Variants in PSTPIP1 observed in about 807,000 individuals in gnomAD.
The protein encoded by PSTPIP1 is proline-serine-threonine phosphatase interacting protein 1.
A neutral mutation model predicts 69.6 loss-of-function variants in PSTPIP1; 66 were observed. That is an observed-to-expected ratio of 0.95 (90% confidence interval 0.78 to 1.16). The LOEUF (loss-of-function observed/expected upper bound fraction) is 1.16, where lower values mean the gene tolerates loss of function less well. Among genes scored for constraint, PSTPIP1 ranks in the 50% most tolerant of loss-of-function variants. PSTPIP1 has a pLI of 0.00. For missense variants in PSTPIP1, 603 were observed against 557.4 expected (o/e 1.08, Z -0.82); for synonymous variants, 266 against 222.7 (o/e 1.19, Z -1.73).
Position 77,032,396 on chromosome 15 carries a change from T to G in PSTPIP1, c.838+2T>G. 1 of 1,612,584 alleles carries G rather than the reference T, an allele frequency of 6.2e-7. No individual in the cohort carries two copies. Among genetic ancestry groups the G allele is most frequent in the South Asian group, 1.1e-5 (1 of 91,082 alleles). On this transcript the variant is annotated splice_donor_variant, in intron 11 of 14. Coordinates refer to ENST00000558012, the MANE Select transcript of PSTPIP1 (RefSeq NM_003978.5). LOFTEE classifies it high-confidence loss of function. ...AGAGCACGGGCACAGAGCCCCCCGG[T>G]GAGGTCCGGCTTGCGGACAGCGCAG...
chr15:77,017,571 C>G (rs900270978), intron 1 of PSTPIP1, among the ~76,000 whole-genome samples: 2 of 152,222 alleles, frequency 1.3e-5, no homozygotes, highest in Admixed American at 1.3e-4. Context: ...AGCGCAGCAT[C>G]TGGCACATGG....
chr15:76,998,726 G>A (rs1295006292), intron 1 of PSTPIP1, among the ~76,000 whole-genome samples: 2 of 152,206 alleles, frequency 1.3e-5, no homozygotes, highest in African/African-American at 4.8e-5. Flanking sequence ...GGGACACTCA[G>A]CATGGGAGCA....
intron 1 of PSTPIP1, among the ~76,000 whole-genome samples, chr15:77,014,429 C>T (rs1376072770): frequency 6.6e-6 from 1 of 152,180 alleles, no homozygotes; most frequent in Non-Finnish European, 1.5e-5. Flanking sequence ...CAGTCAGACC[C>T]TTCCCAGCCT....
chr15:77,008,620 G>T (rs1468964651), intron 1 of PSTPIP1, among the ~76,000 whole-genome samples: 2 of 152,198 alleles, frequency 1.3e-5, no homozygotes, highest in Admixed American at 1.3e-4. Context: ...ATGTTGACCA[G>T]GCTTGTCTCG....
rs768152191 is a variant in PSTPIP1, at chr15:77,030,493, C to A, written c.563-9C>A. 10 of 1,611,224 alleles carry A rather than the reference C, an allele frequency of 6.2e-6. No homozygotes were observed. Among genetic ancestry groups the A allele is most frequent in the South Asian group, 1.1e-5 (1 of 90,658 alleles). ...TCAGGGCCCTCCCTGAGGCTGCCTG[C>A]GCTTTCAGAGCGGGTATACAGGCAG... On this transcript the variant is annotated splice_polypyrimidine_tract_variant and intron_variant, in intron 8 of 14. Coordinates refer to ENST00000558012, the MANE Select transcript of PSTPIP1 (RefSeq NM_003978.5).
intron 1 of PSTPIP1, among the ~76,000 whole-genome samples, chr15:77,012,859 C>T (rs939816297): frequency 2.0e-5 from 3 of 152,136 alleles, no homozygotes; most frequent in African/African-American, 4.8e-5. Flanking sequence ...AGGAAGCAGC[C>T]GTCATAAGGC....
intron 1 of PSTPIP1, among the ~76,000 whole-genome samples, chr15:77,008,350 T>A (rs1274087025): frequency 2.6e-5 from 4 of 152,106 alleles, no homozygotes; most frequent in African/African-American, 4.8e-5. Flanking sequence ...TTCATCCCCG[T>A]CCTCAGATAA....
chr15:77,015,855 C>A, intron 1 of PSTPIP1: 2 of 450,748 alleles, frequency 4.4e-6, no homozygotes, highest in South Asian at 1.6e-5. Flanking sequence ...GCTCACTCGG[C>A]CACAGCCCCT....
intron 1 of PSTPIP1, among the ~76,000 whole-genome samples, chr15:77,002,682 A>G (rs2075735563): frequency 6.6e-6 from 1 of 152,218 alleles, no homozygotes; most frequent in African/African-American, 2.4e-5. Context: ...TGCTTTTGCG[A>G]TGCCTGCAGA....
chr15:77,000,203 C>T (rs1350416750), intron 1 of PSTPIP1, among the ~76,000 whole-genome samples: 2 of 152,208 alleles, frequency 1.3e-5, no homozygotes, highest in Admixed American at 6.5e-5. Context: ...GACTCACCAG[C>T]TTCACACAGT....
Position 77,037,461 on chromosome 15 carries a change from A to G in PSTPIP1, c.*285A>G. 3.1e-6 allele frequency: 1 copy of G among 325,722 alleles called. No homozygotes were observed. Among genetic ancestry groups the G allele is most frequent in the South Asian group, 3.4e-5 (1 of 29,748 alleles). The allele number at this position is 325,722 out of a possible 1,614,324, so 20.2% of individuals were successfully genotyped here. On this transcript the variant is annotated 3_prime_UTR_variant, in exon 15 of 15. Transcript: ENST00000558012. Reference sequence around the variant, plus strand: ...CCCCAACTCAGCCGAGGCTTCAGCTATAGTTGGAGAAGAGGCCTGGCCCCA... The same window carrying G: ...CCCCAACTCAGCCGAGGCTTCAGCTGTAGTTGGAGAAGAGGCCTGGCCCCA...
chr15:77,018,168 C>T lies in PSTPIP1; in HGVS notation c.57C>T (p.His19=). Residue 19 remains histidine (H), a synonymous_variant, in exon 2 of 15, where the codon CAC becomes CAT. Coordinates refer to ENST00000558012, the MANE Select transcript of PSTPIP1 (RefSeq NM_003978.5). ...DAFWCRDFTA[H]TGYEVLLQRL... is the part of the protein sequence containing the mutation. ...CACAGTGCAGGGACTTCACAGCCCA[C>T]ACGGGCTACGAGGTGCTGCTGCAGC... The T allele has an allele frequency of 6.3e-7, 1 of 1,586,286 alleles. No homozygotes were observed. The highest frequency in any genetic ancestry group is 1.8e-5 in the Admixed American group (1 of 55,352).
At chr15:77,000,460 G>GATATATATATATAT (rs1045472754) in intron 1 of PSTPIP1, among the ~76,000 whole-genome samples, 32 of 141,760 alleles carry the variant, frequency 2.3e-4, no homozygotes, top group African/African-American at 8.2e-4. Context: ...TTTAAAGAGA[G>GATATATATATATAT]ATATATATAT....
chr15:77,010,743 G>A (rs1431457934), intron 1 of PSTPIP1, among the ~76,000 whole-genome samples: 1 of 151,954 alleles, frequency 6.6e-6, no homozygotes, highest in Non-Finnish European at 1.5e-5. Flanking sequence ...TGCCTCCCAG[G>A]TTAAAGTGAT....
At chr15:77,026,250 G>C in intron 5 of PSTPIP1, 1 of 454,756 alleles carries the variant, frequency 2.2e-6, no homozygotes, top group South Asian at 1.6e-5. Flanking sequence ...CTGGAGGGCA[G>C]GCAGGACGCA....
At chr15:77,034,498 G>C (rs1241468661) in intron 12 of PSTPIP1, among the ~76,000 whole-genome samples, 1 of 151,932 alleles carries the variant, frequency 6.6e-6, no homozygotes, top group African/African-American at 2.4e-5. Flanking sequence ...AGGCCCCTGA[G>C]TCATGGCTCA....
rs754566975 is a variant in PSTPIP1, at chr15:77,035,805, C to G, written c.989C>G (p.Ser330Cys). Residue 330 changes from serine (S) to cysteine (C), a missense_variant, in exon 14 of 15, where the codon TCC becomes TGC. Ser to Cys is a moderately radical substitution (Grantham distance 112, BLOSUM62 -1). Transcript: ENST00000558012. ...KTTSLAASAA[S>C]TETLTPTPER... ...CTATGTCTCACCCTGCTCTTAGCGTCCACAGAGACCCTGACCCCCACCCCC... is the reference window on the plus strand; with the variant it reads ...CTATGTCTCACCCTGCTCTTAGCGTGCACAGAGACCCTGACCCCCACCCCC... 1 of 1,606,880 alleles carries G rather than the reference C, an allele frequency of 6.2e-7. No homozygotes were observed. Among genetic ancestry groups the G allele is most frequent in the East Asian group, 2.2e-5 (1 of 44,854 alleles).
At chr15:77,006,289 AC>A (rs2075814976) in intron 1 of PSTPIP1, among the ~76,000 whole-genome samples, 2 of 151,946 alleles carry the variant, frequency 1.3e-5, no homozygotes, top group African/African-American at 2.4e-5. Flanking sequence ...TCTATTTAAG[AC>A]CTTTGCCCAC....
In PSTPIP1 at chr15:77,037,352, G is replaced by A. The variant is rs144206825; in HGVS notation, c.*176G>A. 332 of 818,124 alleles carry A rather than the reference G, an allele frequency of 4.1e-4. No individual in the cohort carries two copies. The highest frequency in any genetic ancestry group is 8.5e-4 in the African/African-American group (49 of 57,310). 50.7% of individuals were successfully genotyped at this position (818,124 alleles called of 1,614,324 possible). On this transcript the variant is annotated 3_prime_UTR_variant, in exon 15 of 15. Transcript: ENST00000558012. ...GTTCTCCTTGGTGTGCTGGGGTCCC[G>A]TTCTCTTTTTCTCCTGCTCCAGTGT...
Sources: gnomAD v4.1 joint callset for allele counts (sites outside exome capture counted in the v4.1 genomes callset) on GRCh38, gnomAD v4.1.1 for gene constraint, MANE v1.5 for transcripts, NCBI Gene and HGNC (gene_info 2026-07-23, HGNC 2026-07-21) for gene names.